RTTN: variants seen among roughly 807,000 people sequenced by gnomAD.
The protein encoded by RTTN is rotatin.
RTTN carries 182 observed loss-of-function variants against 269.2 expected under a neutral mutation model. That is an observed-to-expected ratio of 0.68 (90% CI 0.60 to 0.76). RTTN has a LOEUF of 0.76. Ranked by LOEUF, RTTN falls within the 30% of genes least tolerant of loss-of-function variation. The probability of loss-of-function intolerance (pLI) is 0.00; values close to 1 mark genes in which losing one functional copy is unlikely to be tolerated. For synonymous variants in RTTN, 1,006 were observed against 963.5 expected, an observed-to-expected ratio of 1.04 and a Z score of -0.82; for missense variants, 2,545 against 2,608.6, an observed-to-expected ratio of 0.98 and a Z score of 0.53.
At chr18:70,106,990 T>C (rs80262803) in intron 28 of RTTN, among the ~76,000 whole-genome samples, 3,311 of 152,240 alleles carry the variant, frequency 0.022, 52 homozygotes, top group Middle Eastern at 0.044. Flanking sequence ...AAACAATGAG[T>C]AATTTTTGGA....
At chr18:70,116,688 T>C (rs890976708) in intron 26 of RTTN, among the ~76,000 whole-genome samples, 1 of 152,118 alleles carries the variant, frequency 6.6e-6, no homozygotes, top group African/African-American at 2.4e-5. Flanking sequence ...ACCATTTCTA[T>C]AATGATGGCT....
rs140245773 is a variant in RTTN, at chr18:70,166,149, T to C, written c.1842A>G (p.Glu614=). The stretch of plus-strand genomic sequence containing the variant: ...ACATATGGAGAAGCACCTTCTGACT[T>C]TCTCCTTGTAGTAATGGACTGGCCT... The part of the protein sequence containing the change: ...SAQASPLLQG[E]SQKVLLHMLS... The change falls in exon 14 of 49, where the codon GAA becomes GAG. Residue 614 remains glutamate (E), a synonymous_variant. Transcript: ENST00000640769. The C allele has an allele frequency of 0.017, 26,781 of 1,613,670 alleles. 328 individuals carry two copies. The highest frequency in any genetic ancestry group is 0.039 in the South Asian group (3,556 of 91,022).
At chr18:70,140,046 T>C in intron 20 of RTTN, 54 bp downstream of exon 20, 3 of 1,177,040 alleles carry the variant, frequency 2.5e-6, no homozygotes, top group South Asian at 1.3e-5. Flanking sequence ...CAATTTCAGA[T>C]CTGATTAATC....
chr18:70,161,836 T>C (rs1328712177), intron 14 of RTTN, among the ~76,000 whole-genome samples: 1 of 151,970 alleles, frequency 6.6e-6, no homozygotes, highest in African/African-American at 2.4e-5. Flanking sequence ...TATTAAAAAG[T>C]AAAAGAATAA....
At chr18:70,041,509 C>T (rs1331171862) in intron 40 of RTTN, among the ~76,000 whole-genome samples, 1 of 152,022 alleles carries the variant, frequency 6.6e-6, no homozygotes, top group Non-Finnish European at 1.5e-5. Flanking sequence ...CCAATCTATC[C>T]ACTGAAGTGC....
At chr18:70,033,997 A>G (rs2057096349) in intron 40 of RTTN, among the ~76,000 whole-genome samples, 1 of 152,182 alleles carries the variant, frequency 6.6e-6, no homozygotes, top group Non-Finnish European at 1.5e-5. Flanking sequence ...TCCTCCCAAG[A>G]CTGAACCAGG....
chr18:70,075,232 A>T, intron 33 of RTTN, 120 bp downstream of exon 33: 1 of 652,904 alleles, frequency 1.5e-6, no homozygotes, highest in Non-Finnish European at 2.5e-6. Flanking sequence ...GTAGAACTGG[A>T]AATGAATGTT....
chr18:70,196,762 G>T, intron 6 of RTTN, 114 bp from the exon 7 acceptor site: 1 of 1,049,564 alleles, frequency 9.5e-7, no homozygotes, highest in Non-Finnish European at 1.4e-6. Flanking sequence ...AAAATAAGTT[G>T]CCAAATATTT....
chr18:70,102,016 A>G (rs193217203), intron 28 of RTTN, among the ~76,000 whole-genome samples: 2 of 152,268 alleles, frequency 1.3e-5, no homozygotes, highest in East Asian at 3.9e-4. Context: ...CAATTTTGGA[A>G]TAAGTGTGAT....
intron 14 of RTTN, among the ~76,000 whole-genome samples, chr18:70,157,611 A>G (rs765079820): frequency 5.9e-5 from 9 of 152,160 alleles, no homozygotes; most frequent in Non-Finnish European, 1.2e-4. Flanking sequence ...ATCGTTCTTA[A>G]CCAAACTGAA....
chr18:70,144,260 G>C (rs183940134), intron 18 of RTTN, among the ~76,000 whole-genome samples: 2 of 152,270 alleles, frequency 1.3e-5, no homozygotes, highest in African/African-American at 4.8e-5. Flanking sequence ...TTTACAGGTA[G>C]TACCAGGCTA....
At chr18:70,047,838 C>G (rs896370169) in intron 40 of RTTN, 133 bp downstream of exon 40, 1 of 717,154 alleles carries the variant, frequency 1.4e-6, no homozygotes, top group Admixed American at 2.8e-5. Flanking sequence ...ACTTTTGTAT[C>G]ATTTAAACAG....
chr18:70,201,533 G>A (rs1173781002), intron 4 of RTTN, among the ~76,000 whole-genome samples: 13 of 147,078 alleles, frequency 8.8e-5, no homozygotes, highest in Non-Finnish European at 1.5e-4. Context: ...GCGTGAACCC[G>A]GGAGGCGGAG....
At chr18:70,025,175 G>T (rs1389865226) in intron 43 of RTTN, among the ~76,000 whole-genome samples, 3 of 152,162 alleles carry the variant, frequency 2.0e-5, no homozygotes, top group African/African-American at 7.2e-5. Context: ...CTATGAACTG[G>T]CCAAGAAGTG....
chr18:70,127,417 G>T, intron 25 of RTTN, 85 bp downstream of exon 25: 1 of 1,472,652 alleles, frequency 6.8e-7, no homozygotes, highest in South Asian at 1.3e-5. Context: ...TAAGGGCATA[G>T]ACTCTTATCT....
At chr18:70,179,448 A>C (rs955093312) in intron 10 of RTTN, among the ~76,000 whole-genome samples, 2 of 152,218 alleles carry the variant, frequency 1.3e-5, no homozygotes, top group Non-Finnish European at 2.9e-5. Context: ...TCTATTTCCA[A>C]CATTTCTTCT....
chr18:70,187,761 G>C (rs990173988), intron 10 of RTTN, among the ~76,000 whole-genome samples: 1 of 152,168 alleles, frequency 6.6e-6, no homozygotes, highest in Non-Finnish European at 1.5e-5. Context: ...TTCTACAAGC[G>C]CAAGGATAAG....
intron 46 of RTTN, chr18:70,006,984 G>A (rs978205256): frequency 6.5e-6 from 1 of 153,560 alleles, no homozygotes; most frequent in Non-Finnish European, 1.4e-5. Context: ...TGGCTCAATA[G>A]GAAGCTCCGG....
intron 21 of RTTN, among the ~76,000 whole-genome samples, chr18:70,136,402 T>G (rs2060125312): frequency 8.5e-6 from 1 of 117,236 alleles, no homozygotes; most frequent in African/African-American, 2.7e-5. Flanking sequence ...TATTTAAGTT[T>G]AAGGTTAAAA....
Sources: gnomAD v4.1 joint callset for allele counts (sites outside exome capture counted in the v4.1 genomes callset) on GRCh38, gnomAD v4.1.1 for gene constraint, MANE v1.5 for transcripts, NCBI Gene and HGNC (gene_info 2026-07-23, HGNC 2026-07-21) for gene names.